KMT5B: variants seen among roughly 807,000 people sequenced by gnomAD.
KMT5B encodes the protein lysine methyltransferase 5B, also known as histone-lysine N-methyltransferase KMT5B.
Under a neutral mutation model 83.2 loss-of-function variants are expected in KMT5B, and 10 were observed. The ratio of observed to expected loss-of-function variants is 0.12; its 90% CI spans 0.07 to 0.20. The LOEUF (loss-of-function observed/expected upper bound fraction) is 0.20. Among genes scored for constraint, KMT5B ranks in the 10% least tolerant of loss-of-function variants. The pLI is 1.00. For missense variants in KMT5B, 753 were observed against 1,067.2 expected, an observed-to-expected ratio of 0.71 and a Z score of 4.10; for synonymous variants, 349 against 388.8, an observed-to-expected ratio of 0.90 and a Z score of 1.20.
At chr11:68,177,169 A>G (rs1205093543) in intron 4 of KMT5B, among the ~76,000 whole-genome samples, 1 of 152,212 alleles carries the variant, frequency 6.6e-6, no homozygotes, top group Non-Finnish European at 1.5e-5. Context: ...GGAAAATTTA[A>G]TTGGGACTAA....
chr11:68,190,158 A>G lies in KMT5B; in HGVS notation c.-76-6T>C. The G allele has an allele frequency of 7.5e-7, 1 of 1,333,576 alleles. No individual in the cohort carries two copies. The highest frequency in any genetic ancestry group is 1.0e-6 in the Non-Finnish European group (1 of 952,608). 82.6% of individuals were successfully genotyped at this position (1,333,576 alleles called of 1,614,324 possible). Reference sequence around the variant, plus strand: ...AATACTTTCAATGTTCTCTCCTAACAGAAACAAAATATGAAAAACAAAACA... The same window carrying G: ...AATACTTTCAATGTTCTCTCCTAACGGAAACAAAATATGAAAAACAAAACA... On this transcript the variant is annotated splice_polypyrimidine_tract_variant and splice_region_variant and intron_variant, in intron 1 of 10. Coordinates refer to ENST00000304363, the MANE Select transcript of KMT5B (RefSeq NM_017635.5).
upstream of KMT5B, chr11:68,213,475 A>G (rs1434042399): frequency 6.9e-6 from 1 of 145,188 alleles, no homozygotes; most frequent in Non-Finnish European, 1.5e-5. Context: ...CCGGGGCCTC[A>G]CCTCGCCTCG....
At chr11:68,166,953 G>T in intron 10 of KMT5B, 29 bp downstream of exon 10, 1 of 1,609,872 alleles carries the variant, frequency 6.2e-7, no homozygotes. Context: ...ACTTTTAAAA[G>T]ATATGCTTAT....
chr11:68,189,852 C>A, intron 2 of KMT5B, 65 bp downstream of exon 2: 3 of 1,483,256 alleles, frequency 2.0e-6, no homozygotes, highest in South Asian at 1.3e-5. Flanking sequence ...ATACACATTA[C>A]AAACTGGAAA....
chr11:68,190,471 T>C (rs1857912495), intron 1 of KMT5B, among the ~76,000 whole-genome samples: 1 of 152,148 alleles, frequency 6.6e-6, no homozygotes, highest in African/African-American at 2.4e-5. Context: ...TCAAGAGATA[T>C]TCCAGAGGAA....
Position 68,171,720 on chromosome 11 carries a change from T to C in KMT5B, c.654-11A>G. The C allele has an allele frequency of 2.5e-6, 4 of 1,598,886 alleles. No individual in the cohort carries two copies. Among genetic ancestry groups the C allele is most frequent in the African/African-American group, 1.3e-5 (1 of 74,380 alleles). Reference sequence around the variant, plus strand: ...TTGTCATTTCGTTTCCTATTTAAAATATGTGATGTGTTAAAAATTACTAGT... The same window carrying C: ...TTGTCATTTCGTTTCCTATTTAAAACATGTGATGTGTTAAAAATTACTAGT... On this transcript the variant is annotated splice_polypyrimidine_tract_variant and intron_variant, in intron 6 of 10. Transcript: ENST00000304363. The surrounding 1 kb of genome is among the most constrained non-coding windows in gnomAD (Gnocchi z 5.1).
At chr11:68,208,162 G>A (rs924760887) in intron 1 of KMT5B, among the ~76,000 whole-genome samples, 17 of 147,880 alleles carry the variant, frequency 1.1e-4, no homozygotes, top group Non-Finnish European at 2.2e-4. Flanking sequence ...AACACACTTC[G>A]CCCAAGCCAG....
rs1859501255 is a variant in KMT5B, at chr11:68,158,807, C to T, written c.1539G>A (p.Ala513=). The change falls in exon 11 of 11, where the codon GCG becomes GCA. Residue 513 remains alanine, a synonymous_variant. Transcript: ENST00000304363. Reference sequence around the variant, plus strand: ...CAGGATTCTGTCTGTGTTCTCTCGCCGCGTGTCTAGTCAAGCACCCGCTGG... The same window carrying T: ...CAGGATTCTGTCTGTGTTCTCTCGCTGCGTGTCTAGTCAAGCACCCGCTGG... ...AVASGCLTRH[A]AREHRQNPVR... is the part of the protein sequence containing the mutation. 4 of 1,614,144 alleles carry T rather than the reference C, an allele frequency of 2.5e-6. No homozygotes were observed. The highest frequency in any genetic ancestry group is 2.2e-5 in the East Asian group (1 of 44,884).
chr11:68,179,350 A>AT (rs1475105559), intron 4 of KMT5B: 7 of 973,772 alleles, frequency 7.2e-6, no homozygotes, highest in Non-Finnish European at 9.7e-6. Context: ...AAACATATCT[A>AT]TTTTTTCTCT....
chr11:68,164,595 CAG>C (rs1000130543), intron 10 of KMT5B: 5 of 490,120 alleles, frequency 1.0e-5, no homozygotes, highest in African/African-American at 3.9e-5. Flanking sequence ...TGAGCTCCTT[CAG>C]AGAGAGCACT....
At chr11:68,181,718 C>T (rs1048727719) in intron 3 of KMT5B, among the ~76,000 whole-genome samples, 1 of 152,152 alleles carries the variant, frequency 6.6e-6, no homozygotes. Flanking sequence ...AGATGAAGAG[C>T]TAGAAGGGAT....
At chr11:68,197,602 T>C (rs1469414795) in intron 1 of KMT5B, among the ~76,000 whole-genome samples, 1 of 152,220 alleles carries the variant, frequency 6.6e-6, no homozygotes, top group African/African-American at 2.4e-5. Flanking sequence ...TCCACTCTAA[T>C]GTGCACATAA....
intron 2 of KMT5B, chr11:68,189,603 A>G (rs78790503): frequency 0.013 from 2,453 of 196,206 alleles, 65 homozygotes; most frequent in African/African-American, 0.054. Flanking sequence ...ATACAGGTTA[A>G]CCTGTAAGAA....
At chr11:68,189,859 G>A in intron 2 of KMT5B, 58 bp downstream of exon 2, 1 of 1,505,028 alleles carries the variant, frequency 6.6e-7, no homozygotes, top group South Asian at 1.3e-5. Flanking sequence ...TTACAAACTG[G>A]AAAGAATTAC....
intron 1 of KMT5B, among the ~76,000 whole-genome samples, chr11:68,202,546 CTT>C (rs71040602): frequency 2.5e-5 from 3 of 121,956 alleles, no homozygotes; most frequent in African/African-American, 9.4e-5. Context: ...CTAAGACACA[CTT>C]TTTTTTTTTT....
chr11:68,194,791 G>C (rs1050552168), intron 1 of KMT5B, among the ~76,000 whole-genome samples: 1 of 152,164 alleles, frequency 6.6e-6, no homozygotes, highest in African/African-American at 2.4e-5. Context: ...ATGTTCTGTG[G>C]CTATAAGCTT....
chr11:68,183,966 T>TTAATCAATCA (rs1166248067), intron 3 of KMT5B, among the ~76,000 whole-genome samples: 7 of 152,180 alleles, frequency 4.6e-5, no homozygotes, highest in Admixed American at 3.9e-4. Context: ...AGCCTGGATC[T>TTAATCAATCA]TAATCAATCA....
chr11:68,177,653 C>G (rs1248079025), intron 4 of KMT5B, among the ~76,000 whole-genome samples: 1 of 152,068 alleles, frequency 6.6e-6, no homozygotes, highest in African/African-American at 2.4e-5. Context: ...AAAGTTCAAA[C>G]ATATCCTAGA....
At position 68,171,277 on chromosome 11, in the gene KMT5B, C is replaced by A; in HGVS notation, c.821-26G>T. 1 of 1,608,280 alleles carries A rather than the reference C, an allele frequency of 6.2e-7. No homozygotes were observed. Among genetic ancestry groups the A allele is most frequent in the South Asian group, 1.1e-5 (1 of 89,552 alleles). ...CTGAAAAATGTCCAAAAGATAAAGT[C>A]AATTAACTGTTGATAAGATCTGAAA... On this transcript the variant is annotated intron_variant, in intron 7 of 10. Coordinates refer to ENST00000304363, the MANE Select transcript of KMT5B (RefSeq NM_017635.5). The surrounding 1 kb of genome is among the most constrained non-coding windows in gnomAD (Gnocchi z 5.1).
Sources: gnomAD v4.1 joint callset for allele counts (sites outside exome capture counted in the v4.1 genomes callset) on GRCh38, gnomAD v4.1.1 for gene constraint, Gnocchi (gnomAD v3.1) non-coding constraint, MANE v1.5 for transcripts, NCBI Gene and HGNC (gene_info 2026-07-23, HGNC 2026-07-21) for gene names.